Variants in TJP1 observed in about 807,000 individuals in gnomAD.
TJP1 encodes tight junction protein ZO-1.
A neutral mutation model predicts 194.2 loss-of-function variants in TJP1; 43 were observed. That is an observed-to-expected ratio of 0.22 (90% CI 0.17 to 0.29). TJP1 has a LOEUF of 0.29. Among genes scored for constraint, TJP1 ranks in the 10% least tolerant of loss-of-function variants. The pLI, the probability that TJP1 is intolerant of heterozygous loss-of-function variation, is 1.00. For synonymous variants in TJP1, 801 were observed against 779.0 expected (o/e 1.03, Z -0.47); for missense variants, 1,971 against 2,185.7 (o/e 0.90, Z 1.96).
intron 2 of TJP1, among the ~76,000 whole-genome samples, chr15:29,898,001 T>A (rs2053528648): frequency 6.6e-6 from 1 of 152,152 alleles, no homozygotes; most frequent in South Asian, 2.1e-4. Context: ...GTTAAGACTT[T>A]GGGGGACTGT....
intron 19 of TJP1, 86 bp from the exon 20 acceptor site, chr15:29,720,102 C>G (rs138203289): frequency 0.019 from 27,749 of 1,481,994 alleles, 312 homozygotes; most frequent in Non-Finnish European, 0.021. Flanking sequence ...GGTAGACATA[C>G]ATTTTAAGTG....
intron 2 of TJP1, among the ~76,000 whole-genome samples, chr15:29,894,539 T>C (rs1406939669): frequency 2.6e-5 from 4 of 152,184 alleles, no homozygotes; most frequent in African/African-American, 9.6e-5. Flanking sequence ...TGTGCGGCTA[T>C]AACAAAATCC....
intron 11 of TJP1, 99 bp downstream of exon 11, chr15:29,737,165 C>G: frequency 1.4e-6 from 2 of 1,436,566 alleles, no homozygotes; most frequent in Non-Finnish European, 9.5e-7. Context: ...AGACTGCTTA[C>G]AGATTACAAT....
intron 1 of TJP1, among the ~76,000 whole-genome samples, chr15:29,964,721 C>T (rs892709173): frequency 6.6e-6 from 1 of 152,200 alleles, no homozygotes; most frequent in Non-Finnish European, 1.5e-5. Context: ...AGGGTGTCCC[C>T]CAAAGGAAGC....
At chr15:29,920,930 G>C (rs764047238) in intron 2 of TJP1, among the ~76,000 whole-genome samples, 8 of 152,170 alleles carry the variant, frequency 5.3e-5, no homozygotes, top group Non-Finnish European at 1.2e-4. Flanking sequence ...AAACACAGTG[G>C]TGCCTGCAAT....
intron 2 of TJP1, among the ~76,000 whole-genome samples, chr15:29,915,541 G>A (rs929199746): frequency 6.6e-6 from 1 of 152,176 alleles, no homozygotes; most frequent in Non-Finnish European, 1.5e-5. Context: ...TTACTGTGAT[G>A]TAGATTTAGC....
At chr15:29,868,299 G>C in intron 2 of TJP1, among the ~76,000 whole-genome samples, 1 of 152,164 alleles carries the variant, frequency 6.6e-6, no homozygotes, top group East Asian at 1.9e-4. Flanking sequence ...GGTCAGTTAG[G>C]AGGTGGCTAA....
intron 2 of TJP1, 123 bp downstream of exon 2, chr15:29,800,523 A>T (rs918097162): frequency 1.6e-5 from 14 of 856,814 alleles, no homozygotes; most frequent in Non-Finnish European, 2.0e-5. Flanking sequence ...AATTTTAAAC[A>T]AAAGAATATA....
intron 8 of TJP1, among the ~76,000 whole-genome samples, chr15:29,749,198 C>T (rs1312702787): frequency 1.3e-5 from 2 of 151,452 alleles, no homozygotes; most frequent in African/African-American, 2.4e-5. Context: ...AGGTAATGAC[C>T]TTGTTATCTG....
At chr15:29,804,124 T>C (rs1286997160) in intron 1 of TJP1, among the ~76,000 whole-genome samples, 1 of 152,148 alleles carries the variant, frequency 6.6e-6, no homozygotes, top group Non-Finnish European at 1.5e-5. Context: ...TTTGCTTCTG[T>C]GGCAAAAGTA....
At position 29,713,683 on chromosome 15, in the gene TJP1, A is replaced by G. The variant is rs369216850; in HGVS notation, c.4203-2683T>C. On this transcript the variant is annotated intron_variant, in intron 23 of 27. Coordinates refer to ENST00000614355, the MANE Select transcript of TJP1 (RefSeq NM_001330239.4). ...GATGAAGTTGTACTCATTGGACAAG[A>G]GTATGAAAAAGCATTACAAGGGAAA... Among the ~76,000 whole-genome samples, 3 of 152,368 alleles carry G rather than the reference A, an allele frequency of 2.0e-5. No individual in the cohort carries two copies. The East Asian group carries it at 5.8e-4, about 29-fold the overall frequency.
intron 2 of TJP1, among the ~76,000 whole-genome samples, chr15:29,870,800 C>T (rs2052489183): frequency 6.6e-6 from 1 of 152,214 alleles, no homozygotes; most frequent in African/African-American, 2.4e-5. Flanking sequence ...CAGCTTATCT[C>T]TTACACCTGC....
chr15:29,911,903 A>G (rs2152226879), intron 2 of TJP1, among the ~76,000 whole-genome samples: 1 of 152,352 alleles, frequency 6.6e-6, no homozygotes, highest in South Asian at 2.1e-4. Context: ...ATGGGGATAT[A>G]GAAAAATAAG....
Position 29,710,855 on chromosome 15 carries a change from G to A in TJP1, c.4348C>T (p.His1450Tyr), listed in dbSNP as rs2042195994. The change falls in exon 24 of 28, where the codon CAT becomes TAT. Residue 1450 changes from histidine to tyrosine, a missense_variant. This residue lies in a region of TJP1 where 1,108 missense variants were observed against 1,128.5 expected (regional missense o/e 0.98). Coordinates refer to ENST00000614355, the MANE Select transcript of TJP1 (RefSeq NM_001330239.4). ...CCTTCACCATGTGCTCCCTTAGAAT[G>A]TATGTGGAGAGACGCGCTGGTGACA... is the stretch of plus-strand genomic sequence containing the variant. ...QPVTSASLHI[H>Y]SKGAHGEGNS... 1.1e-5 allele frequency: 17 copies of A among 1,613,980 alleles called. No individual in the cohort carries two copies. Among genetic ancestry groups the A allele is most frequent in the Non-Finnish European group, 1.4e-5 (17 of 1,180,050 alleles).
In TJP1 at chr15:29,822,432, C is replaced by T. The variant is rs979796014; in HGVS notation, c.-404G>A. ...CGGCGGCCGCCAAGGAACGCGGCGT[C>T]CGCTGGCTCAGCCGGCGCCGGCAAC... On this transcript the variant is annotated 5_prime_UTR_variant, in exon 1 of 28. Coordinates refer to ENST00000614355, the MANE Select transcript of TJP1 (RefSeq NM_001330239.4). 1.1e-5 allele frequency: 11 copies of T among 989,068 alleles called. No homozygotes were observed. The highest frequency in any genetic ancestry group is 1.3e-5 in the Non-Finnish European group (11 of 832,474). The allele number at this position is 989,068 out of a possible 1,614,324, so 61.3% of individuals were successfully genotyped here. A position where few individuals can be genotyped will look rare whatever the true frequency, so the allele number is the denominator to read the frequency against.
chr15:29,706,421 G>C (rs1178503766), intron 25 of TJP1, among the ~76,000 whole-genome samples: 1 of 152,096 alleles, frequency 6.6e-6, no homozygotes, highest in Non-Finnish European at 1.5e-5. Context: ...AATCTGAAAT[G>C]CTCCAAAATC....
At chr15:29,859,227 C>T (rs910121582) in intron 2 of TJP1, among the ~76,000 whole-genome samples, 6 of 152,076 alleles carry the variant, frequency 3.9e-5, no homozygotes, top group Non-Finnish European at 7.4e-5. Flanking sequence ...AACAAAAGGT[C>T]GGAATGATCA....
chr15:29,948,333 C>T (rs984117761), intron 2 of TJP1, among the ~76,000 whole-genome samples: 2 of 151,344 alleles, frequency 1.3e-5, no homozygotes, highest in African/African-American at 4.8e-5. Flanking sequence ...TATTTATTTG[C>T]TCCTGTCCTA....
At chr15:29,949,689 C>G (rs1205838070) in intron 2 of TJP1, among the ~76,000 whole-genome samples, 13 of 115,644 alleles carry the variant, frequency 1.1e-4, no homozygotes, top group Non-Finnish European at 2.2e-4. Flanking sequence ...ACCTTCACCA[C>G]CACCTCCACC....
Sources: allele counts gnomAD v4.1 joint callset (sites outside exome capture counted in the v4.1 genomes callset), GRCh38; gene constraint gnomAD v4.1.1; regional missense constraint gnomAD v4.1.1; transcripts MANE v1.5; gene names NCBI Gene and HGNC (gene_info 2026-07-23, HGNC 2026-07-21).